Variants in CCDC28A observed in about 807,000 individuals in gnomAD.
CCDC28A encodes the protein coiled-coil domain-containing protein 28A.
Under a neutral mutation model 22.1 loss-of-function variants are expected in CCDC28A, and 24 were observed. The ratio of observed to expected loss-of-function variants is 1.09; its 90% CI spans 0.79 to 1.53. The LOEUF (loss-of-function observed/expected upper bound fraction) is 1.53. Among genes scored for constraint, CCDC28A ranks in the 40% most tolerant of loss-of-function variants. The pLI is 0.00. For synonymous variants in CCDC28A, 83 were observed against 74.7 expected, an observed-to-expected ratio of 1.11 and a Z score of -0.57; for missense variants, 170 against 210.7, an observed-to-expected ratio of 0.81 and a Z score of 1.20.
At chr6:138,776,494 TA>T (rs1323457109) in intron 2 of CCDC28A, among the ~76,000 whole-genome samples, 2 of 152,182 alleles carry the variant, frequency 1.3e-5, no homozygotes, top group Non-Finnish European at 2.9e-5. Flanking sequence ...TACTTTGTCT[TA>T]TATTAAAATA....
intron 5 of CCDC28A, among the ~76,000 whole-genome samples, chr6:138,792,526 A>AT (rs1562442070): frequency 3.4e-5 from 5 of 147,716 alleles, no homozygotes; most frequent in African/African-American, 1.3e-4. Flanking sequence ...TATCTCTAAA[A>AT]TTTAAAAAAA....
intron 2 of CCDC28A, 85 bp from the exon 3 acceptor site, chr6:138,779,737 G>T: frequency 9.7e-7 from 1 of 1,031,250 alleles, no homozygotes; most frequent in Non-Finnish European, 1.4e-6. Flanking sequence ...TGCTTTTAAG[G>T]GAAATTCCAT....
chr6:138,785,146 A>G (rs749416695), intron 3 of CCDC28A, 81 bp from the exon 4 acceptor site: 4 of 801,426 alleles, frequency 5.0e-6, no homozygotes, highest in Non-Finnish European at 7.8e-6. Context: ...CTTTTAGAGC[A>G]CCTAGAGTTT....
chr6:138,786,878 A>G (rs1180252316), intron 4 of CCDC28A, among the ~76,000 whole-genome samples: 1 of 152,212 alleles, frequency 6.6e-6, no homozygotes, highest in Non-Finnish European at 1.5e-5. Context: ...GGCCTCCCCA[A>G]GTGCTGGGAT....
intron 3 of CCDC28A, among the ~76,000 whole-genome samples, chr6:138,784,591 G>A (rs751587927): frequency 9.7e-4 from 147 of 152,056 alleles, no homozygotes; most frequent in Non-Finnish European, 1.8e-3. Flanking sequence ...GAACTCCTGG[G>A]CTCAAGCAGT....
rs74649370 is a variant in CCDC28A, at chr6:138,789,940, T to C, written c.500+1552T>C. 1.9e-3 allele frequency among the ~76,000 whole-genome samples: 283 copies of C among 152,332 alleles called. 1 individual carries two copies. The East Asian group carries it at 0.028, about 15-fold the overall frequency. On this transcript the variant is annotated intron_variant, in intron 5 of 5. Coordinates refer to ENST00000617445, the MANE Select transcript of CCDC28A (RefSeq NM_015439.3). ...CCCTACTTGGAAGTGGGTGGTGTTA[T>C]GCCCCCCATTTTGCAGATGAAGAAA...
intron 4 of CCDC28A, among the ~76,000 whole-genome samples, chr6:138,786,299 A>T (rs1191297450): frequency 6.6e-6 from 1 of 152,220 alleles, no homozygotes; most frequent in Non-Finnish European, 1.5e-5. Flanking sequence ...GGGGGTGAGG[A>T]CTAAGACATG....
intron 5 of CCDC28A, among the ~76,000 whole-genome samples, chr6:138,792,030 C>G (rs1775177483): frequency 6.6e-6 from 1 of 152,188 alleles, no homozygotes; most frequent in African/African-American, 2.4e-5. Context: ...GATTCCCGTC[C>G]TATTTCCAGT....
At chr6:138,781,935 G>A (rs1157886076) in intron 3 of CCDC28A, among the ~76,000 whole-genome samples, 1 of 152,092 alleles carries the variant, frequency 6.6e-6, no homozygotes, top group Non-Finnish European at 1.5e-5. Flanking sequence ...TTCCAGTCTT[G>A]GTTATGCTAA....
intron 4 of CCDC28A, among the ~76,000 whole-genome samples, chr6:138,787,924 TC>T (rs2114911213): frequency 6.6e-6 from 1 of 152,046 alleles, no homozygotes; most frequent in Non-Finnish European, 1.5e-5. Flanking sequence ...AAAGTTTTTT[TC>T]TTTAGTACTT....
chr6:138,789,578 A>G (rs1455341383), intron 5 of CCDC28A, among the ~76,000 whole-genome samples: 1 of 152,210 alleles, frequency 6.6e-6, no homozygotes, highest in East Asian at 1.9e-4. Context: ...TAATCCCAGC[A>G]CTGTGGGAGG....
intron 5 of CCDC28A, among the ~76,000 whole-genome samples, chr6:138,790,089 A>G (rs1775148212): frequency 6.6e-6 from 1 of 152,102 alleles, no homozygotes; most frequent in African/African-American, 2.4e-5. Flanking sequence ...TTCTTCCTTC[A>G]ATGCTTTATA....
At chr6:138,777,760 A>G (rs1435588391) in intron 2 of CCDC28A, among the ~76,000 whole-genome samples, 1 of 152,194 alleles carries the variant, frequency 6.6e-6, no homozygotes, top group Admixed American at 6.5e-5. Flanking sequence ...TTGTTTTCTG[A>G]GAGGGTTATT....
At chr6:138,777,427 A>G (rs751662942) in intron 2 of CCDC28A, among the ~76,000 whole-genome samples, 29 of 152,238 alleles carry the variant, frequency 1.9e-4, no homozygotes, top group South Asian at 6.2e-4. Context: ...CAGATTTTGA[A>G]TAAGTTTACA....
At chr6:138,785,062 C>A (rs1775071382) in intron 3 of CCDC28A, among the ~76,000 whole-genome samples, 165 bp from the exon 4 acceptor site, 1 of 152,088 alleles carries the variant, frequency 6.6e-6, no homozygotes, top group Admixed American at 6.5e-5. Context: ...TTTTCCTGGT[C>A]AGAAATTTGA....
rs773106448 is a variant in CCDC28A at position 138,785,378 on chromosome 6, A to G, written c.474A>G (p.Ser158=). 1.6e-5 allele frequency: 26 copies of G among 1,601,080 alleles called. No individual in the cohort carries two copies. The South Asian group carries it at 2.9e-4, about 18-fold the overall frequency. ...ASDSNLDRLL[S]DLEELNSSIQ... is the part of the protein sequence containing the mutation. ...ACTCCAATCTGGATAGGCTTCTGTCAGATGTAAGTGTAATTCTTTTTCTTT... is the reference window on the plus strand; with the variant it reads ...ACTCCAATCTGGATAGGCTTCTGTCGGATGTAAGTGTAATTCTTTTTCTTT... The change falls in exon 4 of 6, where the codon TCA becomes TCG. Residue 158 remains serine (S), a synonymous_variant. Transcript: ENST00000617445.
intron 2 of CCDC28A, 47 bp downstream of exon 2, chr6:138,776,325 A>T: frequency 6.9e-7 from 1 of 1,452,474 alleles, no homozygotes; most frequent in African/African-American, 1.4e-5. Flanking sequence ...CCATTAAAGT[A>T]AATCCTGACT....
chr6:138,779,766 A>T, intron 2 of CCDC28A, 56 bp from the exon 3 acceptor site: 1 of 1,360,514 alleles, frequency 7.4e-7, no homozygotes, highest in Non-Finnish European at 9.9e-7. Context: ...CTAAAAAATT[A>T]AGCAAAAGCT....
At position 138,784,645 on chromosome 6, in the gene CCDC28A, G is replaced by A. The variant is rs142270679; in HGVS notation, c.323-582G>A. Among the ~76,000 whole-genome samples, 467 of 151,898 alleles carry A rather than the reference G, an allele frequency of 3.1e-3. 2 individuals are homozygous for A. The Middle Eastern group carries it at 0.031, about 10-fold the overall frequency. On this transcript the variant is annotated intron_variant, in intron 3 of 5. Transcript: ENST00000617445. ...CAAAGTGTGGGGATTATAGGCATGA[G>A]CCACCATGCCCAGCCTGATTTTGCT...
Sources: allele counts gnomAD v4.1 joint callset (sites outside exome capture counted in the v4.1 genomes callset), GRCh38; gene constraint gnomAD v4.1.1; transcripts MANE v1.5; gene names NCBI Gene and HGNC (gene_info 2026-07-23, HGNC 2026-07-21).